The following PGK1 variants were observed in gnomAD, a reference collection of about 807,000 sequenced individuals.
The protein encoded by PGK1 is PRP 2.
A neutral mutation model predicts 26.9 loss-of-function variants in PGK1; 3 were observed. The ratio of observed to expected loss-of-function variants is 0.11; its 90% confidence interval spans 0.05 to 0.29. PGK1 has a LOEUF of 0.29. Ranked by LOEUF, PGK1 falls within the 10% of genes least tolerant of loss-of-function variation. PGK1 has a pLI of 1.00. For missense variants in PGK1, 270 were observed against 314.7 expected, an observed-to-expected ratio of 0.86 and a Z score of 1.07; for synonymous variants, 125 against 115.3, an observed-to-expected ratio of 1.08 and a Z score of -0.54.
At position 78,129,220 on chromosome X, in the gene PGK1, C is replaced by CCTATCTATCTATCTAAT. The variant is rs1557249061; in HGVS notation, c.*3405_*3406insATCTATCTATCTATCTA. On this transcript the variant is annotated 3_prime_UTR_variant, in exon 11 of 11. Coordinates refer to ENST00000373316, the MANE Select transcript of PGK1 (RefSeq NM_000291.4). ...CATAAAGAGCATACCCATGTGTGTA[C>CCTATCTATCTATCTAAT]CTATCTATCTATCTATCTATCTATC... is the stretch of plus-strand genomic sequence containing the variant. 1.0e-5 allele frequency: 1 copy of CCTATCTATCTATCTAAT among 100,035 alleles called. No homozygotes were observed. Among genetic ancestry groups the CCTATCTATCTATCTAAT allele is most frequent in the Non-Finnish European group, 2.0e-5 (1 of 50,153 alleles). The allele number at this position is 100,035 out of a possible 1,213,427, so 8.2% of individuals were successfully genotyped here.
chrX:78,121,698 T>G (rs1210390997), intron 6 of PGK1, among the ~76,000 whole-genome samples: 1 of 112,613 alleles, frequency 8.9e-6, no homozygotes, highest in Non-Finnish European at 1.9e-5. Flanking sequence ...CTCTTTAGTT[T>G]GGATCTTTTT....
intron 9 of PGK1, 86 bp from the exon 10 acceptor site, chrX:78,125,241 G>T: frequency 1.2e-6 from 1 of 805,796 alleles, no homozygotes; most frequent in Non-Finnish European, 1.9e-6. Flanking sequence ...TTTTGGGTTG[G>T]GGAGCACACT....
chrX:78,112,320 T>C (rs1464591833), intron 2 of PGK1, among the ~76,000 whole-genome samples: 2 of 112,587 alleles, frequency 1.8e-5, no homozygotes, highest in African/African-American at 6.5e-5. Context: ...TCTCAGAACC[T>C]GGAATGATGC....
rs1461794896 is a variant in PGK1, at chrX:78,126,441, C to G, written c.*611C>G. ...TATCAAGGGCCTACTTTATGGCAGA[C>G]ATTGTGCTAGTGCTTTTATTCTAAC... On this transcript the variant is annotated 3_prime_UTR_variant, in exon 11 of 11. Coordinates refer to ENST00000373316, the MANE Select transcript of PGK1 (RefSeq NM_000291.4). 8.9e-6 allele frequency: 1 copy of G among 112,547 alleles called. No individual in the cohort carries two copies. The highest frequency in any genetic ancestry group is 3.3e-5 in the African/African-American group (1 of 30,590). 9.3% of individuals were successfully genotyped at this position (112,547 alleles called of 1,213,427 possible). A position where few individuals can be genotyped will look rare whatever the true frequency, so the allele number is the denominator to read the frequency against.
chrX:78,127,737 CAG>C lies in PGK1; in HGVS notation c.*1909_*1910del, dbSNP rs1428328204. ...ATTTTGGTGGTTGCTCTAAACAAAA[CAG>C]AAATTTGAAAGCTCAAGTTTTTTCT... On this transcript the variant is annotated 3_prime_UTR_variant, in exon 11 of 11. Coordinates refer to ENST00000373316, the MANE Select transcript of PGK1 (RefSeq NM_000291.4). The C allele has an allele frequency of 1.1e-4, 12 of 111,993 alleles. No homozygotes were observed. The highest frequency in any genetic ancestry group is 1.1e-4 in the Non-Finnish European group (6 of 53,194). 9.2% of individuals were successfully genotyped at this position (111,993 alleles called of 1,213,427 possible).
rs781978578 is a variant in PGK1 at position 78,123,328 on chromosome X, A to G, written c.890A>G (p.Lys297Arg). The G allele has an allele frequency of 5.8e-6, 7 of 1,209,818 alleles. No homozygotes were observed. The Admixed American group carries it at 6.5e-5, about 11-fold the overall frequency. Residue 297 changes from lysine to arginine, a missense_variant, in exon 8 of 11, where the codon AAG becomes AGG. Physicochemically the swap from Lys to Arg is conservative, Grantham distance 26. Around this residue, in one of 3 missense-constraint regions of PGK1, gnomAD observed 103 missense variants for 114.6 expected, o/e 0.90. Coordinates refer to ENST00000373316, the MANE Select transcript of PGK1 (RefSeq NM_000291.4). ...GCTGACAAGTTTGATGAGAATGCCA[A>G]GACTGGCCAAGCCACTGTGGCTTCT... ...VTADKFDENA[K>R]TGQATVASGI...
rs781822299 is a variant in PGK1 at position 78,113,756 on chromosome X, T to C, written c.129T>C (p.Ala43=). ...TCTTTGGTTGCAGGATTAAGGCTGC[T>C]GTCCCAAGCATCAAATTCTGCTTGG... ...QITNNQRIKA[A]VPSIKFCLDN... is the part of the protein sequence containing the mutation. The change falls in exon 3 of 11, where the codon GCT becomes GCC. Residue 43 remains alanine, a synonymous_variant. Transcript: ENST00000373316. 112 of 1,208,469 alleles carry C rather than the reference T, an allele frequency of 9.3e-5. 2 individuals are homozygous for C. In the Admixed American group the frequency reaches 2.4e-3, roughly 26 times the overall value.
At chrX:78,105,683 T>A (rs1229618970) in intron 1 of PGK1, among the ~76,000 whole-genome samples, 1 of 111,834 alleles carries the variant, frequency 8.9e-6, no homozygotes, top group Admixed American at 9.5e-5. Flanking sequence ...AATTTCACTT[T>A]GGTCAATATT....
At chrX:78,119,102 C>CCTGGCAGGGTATAACCATATAAT (rs1365723124) in intron 6 of PGK1, among the ~76,000 whole-genome samples, 4 of 110,949 alleles carry the variant, frequency 3.6e-5, no homozygotes, top group Admixed American at 9.6e-5. Flanking sequence ...AACTATATAA[C>CCTGGCAGGGTATAACCATATAAT]CTGGCAGGGT....
At chrX:78,106,850 C>T (rs1057355131) in intron 1 of PGK1, among the ~76,000 whole-genome samples, 1 of 111,656 alleles carries the variant, frequency 9.0e-6, no homozygotes, top group Non-Finnish European at 1.9e-5. Flanking sequence ...TAAAGCACTT[C>T]CTTTTTGCTT....
intron 1 of PGK1, among the ~76,000 whole-genome samples, chrX:78,105,439 A>G (rs1207475911): frequency 2.7e-5 from 3 of 111,787 alleles, no homozygotes; most frequent in East Asian, 2.8e-4. Context: ...GCATTTTGCA[A>G]CCTTGACCTT....
chrX:78,108,199 G>C (rs1034833135), intron 1 of PGK1, among the ~76,000 whole-genome samples: 19 of 111,890 alleles, frequency 1.7e-4, no homozygotes, highest in African/African-American at 6.2e-4. Context: ...AGTTTCTTAG[G>C]TGTCTCTGTC....
At chrX:78,110,049 C>T in intron 2 of PGK1, 132 bp downstream of exon 2, 1 of 520,332 alleles carries the variant, frequency 1.9e-6, no homozygotes, top group Non-Finnish European at 3.5e-6. Flanking sequence ...TCTATCAACC[C>T]ACTCTCTGAT....
chrX:78,104,411 T>A lies in PGK1; in HGVS notation c.65+6T>A, dbSNP rs1557245939. 5.9e-6 allele frequency: 7 copies of A among 1,177,872 alleles called. No homozygotes were observed. The highest frequency in any genetic ancestry group is 3.6e-5 in the South Asian group (2 of 55,895). ...GGGAAGCGGGTCGTTATGAGGTAATTCTGCACGTTTGCCCGCGTGCTCTCT... is the reference window on the plus strand; with the variant it reads ...GGGAAGCGGGTCGTTATGAGGTAATACTGCACGTTTGCCCGCGTGCTCTCT... On this transcript the variant is annotated splice_donor_region_variant and intron_variant, in intron 1 of 10. Coordinates refer to ENST00000373316, the MANE Select transcript of PGK1 (RefSeq NM_000291.4).
At chrX:78,117,972 A>T in intron 5 of PGK1, 79 bp from the exon 6 acceptor site, 1 of 934,975 alleles carries the variant, frequency 1.1e-6, no homozygotes, top group Non-Finnish European at 1.5e-6. Flanking sequence ...GAAATATTTT[A>T]GTGATAAGGA....
intron 6 of PGK1, 94 bp from the exon 7 acceptor site, chrX:78,122,741 G>T: frequency 7.0e-6 from 4 of 573,370 alleles, no homozygotes; most frequent in Non-Finnish European, 1.2e-5. Flanking sequence ...GACTTTCTCT[G>T]TTCCTGTGCC....
chrX:78,122,409 T>TTGTG (rs201442984), intron 6 of PGK1, among the ~76,000 whole-genome samples: 2,818 of 88,880 alleles, frequency 0.032, 89 homozygotes, highest in African/African-American at 0.092. Context: ...TGCTCTGAAT[T>TTGTG]TGTGTGTGTG....
intron 2 of PGK1, among the ~76,000 whole-genome samples, chrX:78,113,436 G>T (rs1456176937): frequency 8.9e-6 from 1 of 112,209 alleles, no homozygotes; most frequent in Non-Finnish European, 1.9e-5. Flanking sequence ...AACTTTGAAA[G>T]CCAAGTTCCC....
chrX:78,128,149 T>G lies in PGK1; in HGVS notation c.*2319T>G, dbSNP rs187501919. Reference sequence around the variant, plus strand: ...GGCAAATATTTGAGTTCCTTCTATGTGCTTAAAGACGTGATAGAGGGAATA... The same window carrying G: ...GGCAAATATTTGAGTTCCTTCTATGGGCTTAAAGACGTGATAGAGGGAATA... On this transcript the variant is annotated 3_prime_UTR_variant, in exon 11 of 11. Transcript: ENST00000373316. 2 of 113,188 alleles carry G rather than the reference T, an allele frequency of 1.8e-5. No homozygotes were observed. The highest frequency in any genetic ancestry group is 1.9e-4 in the Admixed American group (2 of 10,742). The allele number at this position is 113,188 out of a possible 1,213,427, so 9.3% of individuals were successfully genotyped here.
Sources: gnomAD v4.1 joint callset for allele counts (sites outside exome capture counted in the v4.1 genomes callset) on GRCh38, gnomAD v4.1.1 for gene constraint, gnomAD v4.1.1 regional missense constraint, MANE v1.5 for transcripts, NCBI Gene and HGNC (gene_info 2026-07-23, HGNC 2026-07-21) for gene names.